Variants in PDE9A observed in about 807,000 individuals in gnomAD.
PDE9A encodes high affinity cGMP-specific 3',5'-cyclic phosphodiesterase 9A.
Under a neutral mutation model 87.4 loss-of-function variants are expected in PDE9A, and 60 were observed. The observed-to-expected ratio is 0.69, with a 90% CI of 0.56 to 0.85. The LOEUF (loss-of-function observed/expected upper bound fraction) is 0.85. Among genes scored for constraint, PDE9A ranks in the 40% least tolerant of loss-of-function variants. The pLI is 0.00. For missense variants in PDE9A, 665 were observed against 779.0 expected, an observed-to-expected ratio of 0.85 and a Z score of 1.74; for synonymous variants, 272 against 279.4, an observed-to-expected ratio of 0.97 and a Z score of 0.27.
At chr21:42,717,900 G>GGTTTGTTTGTTTGTTT (rs113315019) in intron 4 of PDE9A, among the ~76,000 whole-genome samples, 4 of 150,790 alleles carry the variant, frequency 2.7e-5, no homozygotes, top group African/African-American at 9.7e-5. Context: ...CTTTCTTTGG[G>GGTTTGTTTGTTTGTTT]GTTTGTTTGT....
At chr21:42,763,003 T>C (rs1416100598) in intron 14 of PDE9A, among the ~76,000 whole-genome samples, 2 of 152,156 alleles carry the variant, frequency 1.3e-5, no homozygotes, top group Non-Finnish European at 2.9e-5. Flanking sequence ...ACCCCTTCCA[T>C]TTTAGATAAG....
rs570184116 is a variant in PDE9A at position 42,697,388 on chromosome 21, C to A, written c.219-1580C>A. The A allele has an allele frequency of 1.5e-5, 22 of 1,481,340 alleles. No homozygotes were observed. The South Asian group carries it at 2.4e-4, about 16-fold the overall frequency. 91.8% of individuals were successfully genotyped at this position (1,481,340 alleles called of 1,614,324 possible). On this transcript the variant is annotated intron_variant, in intron 3 of 19. Transcript: ENST00000291539. The stretch of plus-strand genomic sequence containing the variant: ...TGAACAGCTTGGTGTGTATACCCCT[C>A]CATATTCACTGTGTTTCTTCTTCCA...
At position 42,723,450 on chromosome 21, in the gene PDE9A, G is replaced by A. The variant is rs764522877; in HGVS notation, c.263-8320G>A. Among the ~76,000 whole-genome samples, 1 of 152,240 alleles carries A rather than the reference G, an allele frequency of 6.6e-6. No homozygotes were observed. The highest frequency in any genetic ancestry group is 1.5e-5 in the Non-Finnish European group (1 of 68,054). On this transcript the variant is annotated intron_variant, in intron 4 of 19. Transcript: ENST00000291539. The surrounding 1 kb of genome is among the most constrained non-coding windows in gnomAD (Gnocchi z 4.3). ...GTGTGCAGATGAGAAGCAGCCAGGA[G>A]TTGAGGCTGAAGAGGAGCCTACCTA...
chr21:42,758,945 CTG>C, intron 10 of PDE9A, 52 bp from the exon 11 acceptor site: 2 of 1,388,078 alleles, frequency 1.4e-6, no homozygotes, highest in South Asian at 1.2e-5. Flanking sequence ...AAGCCAGGGG[CTG>C]GGGAGCCGGC....
intron 19 of PDE9A, 84 bp downstream of exon 19, chr21:42,772,604 T>A: frequency 1.0e-6 from 1 of 994,142 alleles, no homozygotes; most frequent in Non-Finnish European, 1.5e-6. Flanking sequence ...GGGGAGAAAA[T>A]CTGAATTTTG....
chr21:42,738,507 C>T (rs907512409), intron 7 of PDE9A, among the ~76,000 whole-genome samples: 2 of 152,092 alleles, frequency 1.3e-5, no homozygotes, highest in Non-Finnish European at 2.9e-5. Flanking sequence ...CTCCCCGACC[C>T]CCAGCTCGGC....
rs753986288 is a variant in PDE9A, at chr21:42,692,530, G to A, written c.218+4536G>A. 3.9e-5 allele frequency among the ~76,000 whole-genome samples: 6 copies of A among 152,100 alleles called. No individual in the cohort carries two copies. The highest frequency in any genetic ancestry group is 1.9e-4 in the East Asian group (1 of 5,170). On this transcript the variant is annotated intron_variant, in intron 3 of 19. Transcript: ENST00000291539. This position sits in a 1 kb window ranked among gnomAD's most constrained non-coding sequence, Gnocchi z 4.3. ...TTCTCAGACAACTGCGTCAGAATCCGCAGGGGGCTTGGTGGAGCACAGAGC... is the reference window on the plus strand; with the variant it reads ...TTCTCAGACAACTGCGTCAGAATCCACAGGGGGCTTGGTGGAGCACAGAGC...
intron 2 of PDE9A, among the ~76,000 whole-genome samples, chr21:42,686,882 A>G (rs546958201): frequency 6.6e-6 from 1 of 152,308 alleles, no homozygotes; most frequent in East Asian, 1.9e-4. Flanking sequence ...CTTTTGGAGA[A>G]AGCGGGGTGG....
chr21:42,669,919 G>A (rs2145934340), intron 1 of PDE9A, among the ~76,000 whole-genome samples: 2 of 152,256 alleles, frequency 1.3e-5, no homozygotes, highest in African/African-American at 4.8e-5. Flanking sequence ...TCTAGAGAGA[G>A]GCCAGCCCTG....
chr21:42,672,025 A>G (rs184734356), intron 1 of PDE9A, among the ~76,000 whole-genome samples: 196 of 152,358 alleles, frequency 1.3e-3, no homozygotes, highest in African/African-American at 4.6e-3. Context: ...TAAAAGCTTA[A>G]TAGCTTATAA....
intron 8 of PDE9A, among the ~76,000 whole-genome samples, chr21:42,746,596 A>G (rs942712234): frequency 6.6e-6 from 1 of 152,222 alleles, no homozygotes; most frequent in Non-Finnish European, 1.5e-5. Context: ...TGCAACAGTC[A>G]TGTCCCCAAA....
intron 10 of PDE9A, 28 bp from the exon 11 acceptor site, chr21:42,758,971 A>G: frequency 6.4e-7 from 1 of 1,572,786 alleles, no homozygotes; most frequent in Non-Finnish European, 8.8e-7. Context: ...ACAACTGCCC[A>G]GTGCCTATCC....
At chr21:42,718,005 C>T (rs11700688) in intron 4 of PDE9A, among the ~76,000 whole-genome samples, 3,031 of 151,498 alleles carry the variant, frequency 0.02, 172 homozygotes, top group East Asian at 0.2. Flanking sequence ...CTGCAACCTC[C>T]GCCTCCTGAT....
chr21:42,761,626 A>G (rs2055778886), intron 13 of PDE9A, among the ~76,000 whole-genome samples: 1 of 152,162 alleles, frequency 6.6e-6, no homozygotes, highest in African/African-American at 2.4e-5. Context: ...TGTGGCTGTC[A>G]GCGCTCCTCC....
intron 8 of PDE9A, among the ~76,000 whole-genome samples, chr21:42,746,242 A>AG (rs1480081811): frequency 6.6e-6 from 1 of 152,184 alleles, no homozygotes; most frequent in African/African-American, 2.4e-5. Flanking sequence ...TTGAGGTTGC[A>AG]GGGGGGAAGA....
intron 9 of PDE9A, among the ~76,000 whole-genome samples, 171 bp from the exon 10 acceptor site, chr21:42,753,819 G>A (rs1347452361): frequency 2.8e-5 from 4 of 144,230 alleles, no homozygotes; most frequent in South Asian, 2.2e-4. Flanking sequence ...AGCCAAGATC[G>A]CACCACTGCA....
intron 4 of PDE9A, among the ~76,000 whole-genome samples, chr21:42,716,369 T>G (rs766436000): frequency 6.6e-6 from 1 of 151,836 alleles, no homozygotes; most frequent in Non-Finnish European, 1.5e-5. Flanking sequence ...CGAGCATTCC[T>G]GCCGCTCCAC....
chr21:42,662,948 G>A (rs1248483144), intron 1 of PDE9A, among the ~76,000 whole-genome samples: 3 of 109,398 alleles, frequency 2.7e-5, no homozygotes, highest in African/African-American at 1.1e-4. Flanking sequence ...CCACGCACAC[G>A]CACATCACAT....
In PDE9A at chr21:42,702,767, CA is replaced by C. The variant is rs1244808905; in HGVS notation, c.262+3759del. On this transcript the variant is annotated intron_variant, in intron 4 of 19. Coordinates refer to ENST00000291539, the MANE Select transcript of PDE9A (RefSeq NM_002606.3). This position sits in a 1 kb window ranked among gnomAD's most constrained non-coding sequence, Gnocchi z 4.9. ...CTCCCCCAAACTCCTGGCTGATCAC[CA>C]AATTCCACTCTGGCTGTTTAGAGTG... is the stretch of plus-strand genomic sequence containing the variant. Among the ~76,000 whole-genome samples the C allele has an allele frequency of 1.3e-5, 2 of 152,352 alleles. No homozygotes were observed. The highest frequency in any genetic ancestry group is 6.5e-5 in the Admixed American group (1 of 15,306).
Sources: allele counts gnomAD v4.1 joint callset (sites outside exome capture counted in the v4.1 genomes callset), GRCh38; gene constraint gnomAD v4.1.1; non-coding constraint Gnocchi (gnomAD v3.1); transcripts MANE v1.5; gene names NCBI Gene and HGNC (gene_info 2026-07-23, HGNC 2026-07-21).